The following FBXW11 variants were observed in gnomAD, a reference collection of about 807,000 sequenced individuals.
FBXW11 encodes the protein F-box and WD repeat domain containing 11.
FBXW11 carries 19 observed loss-of-function variants against 77.6 expected under a neutral mutation model. The observed-to-expected ratio is 0.24, with a 90% CI of 0.17 to 0.36. The LOEUF (loss-of-function observed/expected upper bound fraction) is 0.36. Among genes scored for constraint, FBXW11 ranks in the 10% least tolerant of loss-of-function variants. The probability of loss-of-function intolerance (pLI) is 1.00; values close to 1 mark genes in which losing one functional copy is unlikely to be tolerated. For synonymous variants in FBXW11, 235 were observed against 249.4 expected (o/e 0.94, Z 0.54); for missense variants, 334 against 704.2 (o/e 0.47, Z 5.95).
intron 3 of FBXW11, among the ~76,000 whole-genome samples, chr5:171,912,408 G>A (rs1285952613): frequency 6.6e-6 from 1 of 152,166 alleles, no homozygotes; most frequent in African/African-American, 2.4e-5. Context: ...AAAAATAAGA[G>A]TTCAAAACAG....
chr5:171,948,011 G>A (rs1266235593), intron 2 of FBXW11, among the ~76,000 whole-genome samples: 1 of 151,178 alleles, frequency 6.6e-6, no homozygotes, highest in Non-Finnish European at 1.5e-5. Flanking sequence ...CAAGGTGGGC[G>A]GATCACGGGG....
rs1757167322 is a variant in FBXW11 at position 171,862,781 on chromosome 5, C to T, written c.*1346G>A. On this transcript the variant is annotated 3_prime_UTR_variant, in exon 14 of 14. Coordinates refer to ENST00000517395, the MANE Select transcript of FBXW11 (RefSeq NM_001378974.1). ...TCACTCCACTTCAGAGCACCCACCC[C>T]TCAGCATGGGCCTCTGAACCAGCCT... The T allele has an allele frequency of 6.6e-6, 1 of 152,288 alleles. No individual in the cohort carries two copies. The highest frequency in any genetic ancestry group is 1.5e-5 in the Non-Finnish European group (1 of 68,114). The allele number at this position is 152,288 out of a possible 1,614,324, so 9.4% of individuals were successfully genotyped here.
At chr5:171,901,741 C>G (rs950973281) in intron 4 of FBXW11, among the ~76,000 whole-genome samples, 3 of 152,188 alleles carry the variant, frequency 2.0e-5, no homozygotes, top group Non-Finnish European at 4.4e-5. Flanking sequence ...TCCCCGAATG[C>G]TCTATTTGCA....
chr5:171,862,622 C>T lies in FBXW11; in HGVS notation c.*1505G>A, dbSNP rs536924358. ...TGGATGCCAACGTCCTTTCCATGCACTGTCAGGGCAACAGTGCCATTTACA... is the reference window on the plus strand; with the variant it reads ...TGGATGCCAACGTCCTTTCCATGCATTGTCAGGGCAACAGTGCCATTTACA... On this transcript the variant is annotated 3_prime_UTR_variant, in exon 14 of 14. Transcript: ENST00000517395. The T allele has an allele frequency of 6.5e-6, 1 of 152,810 alleles. No individual in the cohort carries two copies. The highest frequency in any genetic ancestry group is 1.9e-4 in the East Asian group (1 of 5,184). The allele number at this position is 152,810 out of a possible 1,614,324, so 9.5% of individuals were successfully genotyped here.
chr5:172,000,832 G>C (rs1310068177), intron 1 of FBXW11, among the ~76,000 whole-genome samples: 1 of 152,200 alleles, frequency 6.6e-6, no homozygotes, highest in African/African-American at 2.4e-5. Context: ...AAGCGACAGA[G>C]CTTGGATACA....
intron 1 of FBXW11, among the ~76,000 whole-genome samples, chr5:172,001,520 G>A (rs1182170171): frequency 6.6e-6 from 1 of 152,214 alleles, no homozygotes; most frequent in East Asian, 1.9e-4. Context: ...GTCACTGGAA[G>A]ATAATTAAGG....
intron 2 of FBXW11, among the ~76,000 whole-genome samples, chr5:171,947,472 G>A (rs905622070): frequency 2.6e-5 from 4 of 151,940 alleles, no homozygotes; most frequent in African/African-American, 7.3e-5. Flanking sequence ...GCCAAAGCGG[G>A]CAGACCACTT....
At position 171,869,835 on chromosome 5, in the gene FBXW11, T is replaced by G. The variant is rs78795140; in HGVS notation, c.1452-28A>C. 6.4e-4 allele frequency: 978 copies of G among 1,517,236 alleles called. 6 individuals are homozygous for G. In the East Asian group the frequency reaches 8.1e-3, roughly 13 times the overall value. The allele number at this position is 1,517,236 out of a possible 1,614,324, so 94.0% of individuals were successfully genotyped here. On this transcript the variant is annotated intron_variant, in intron 11 of 13. Coordinates refer to ENST00000517395, the MANE Select transcript of FBXW11 (RefSeq NM_001378974.1). This position sits in a 1 kb window ranked among gnomAD's most constrained non-coding sequence, Gnocchi z 4.1. ...AGAAAGGAAAATGAGATGTGATTAG[T>G]GGAAAAGTGAACAATTTATATGCTG...
chr5:171,988,869 C>T lies in FBXW11; in HGVS notation c.45+17589G>A, dbSNP rs1765586471. 2.0e-5 allele frequency among the ~76,000 whole-genome samples: 3 copies of T among 147,904 alleles called. No individual in the cohort carries two copies. In the Admixed American group the frequency reaches 2.0e-4, roughly 10 times the overall value. Reference sequence around the variant, plus strand: ...CAATAAATAAATAAATATATACATACACACATACATTCATACTACAATTTT... The same window carrying T: ...CAATAAATAAATAAATATATACATATACACATACATTCATACTACAATTTT... On this transcript the variant is annotated intron_variant, in intron 1 of 13. Coordinates refer to ENST00000517395, the MANE Select transcript of FBXW11 (RefSeq NM_001378974.1).
chr5:171,948,566 C>T (rs1763142283), intron 2 of FBXW11, among the ~76,000 whole-genome samples: 1 of 152,082 alleles, frequency 6.6e-6, no homozygotes, highest in South Asian at 2.1e-4. Context: ...AGGAAGATCC[C>T]ATTTCTATTT....
intron 2 of FBXW11, among the ~76,000 whole-genome samples, chr5:171,944,909 A>C (rs1762930735): frequency 6.6e-6 from 1 of 152,246 alleles, no homozygotes; most frequent in Non-Finnish European, 1.5e-5. Context: ...GCTTAGAAAT[A>C]GCCTTTCCTT....
chr5:171,987,100 T>C (rs930376163), intron 1 of FBXW11, among the ~76,000 whole-genome samples: 2 of 152,182 alleles, frequency 1.3e-5, no homozygotes, highest in Admixed American at 6.5e-5. Context: ...ATGTCTAAGG[T>C]GGAACAGTTC....
intron 1 of FBXW11, among the ~76,000 whole-genome samples, chr5:171,962,794 T>C (rs1763977133): frequency 6.6e-6 from 1 of 152,186 alleles, no homozygotes. Context: ...AAAAGCTAAC[T>C]TCGGTCTGTT....
chr5:171,997,496 G>A (rs62384577), intron 1 of FBXW11, among the ~76,000 whole-genome samples: 3 of 152,080 alleles, frequency 2.0e-5, no homozygotes, highest in South Asian at 2.1e-4. Context: ...ATTTATTTAC[G>A]TACCTAACAA....
intron 1 of FBXW11, among the ~76,000 whole-genome samples, chr5:171,972,307 G>A (rs1301699398): frequency 2.2e-5 from 3 of 137,386 alleles, no homozygotes; most frequent in South Asian, 2.3e-4. Flanking sequence ...ATGAGACCTC[G>A]TCTCTACAAA....
intron 1 of FBXW11, among the ~76,000 whole-genome samples, chr5:171,987,026 C>A (rs942987205): frequency 6.6e-6 from 1 of 152,218 alleles, no homozygotes; most frequent in Non-Finnish European, 1.5e-5. Flanking sequence ...AGGAACCCTA[C>A]TGTGAACTGC....
intron 1 of FBXW11, among the ~76,000 whole-genome samples, chr5:172,001,398 A>G (rs1446223079): frequency 6.6e-6 from 1 of 152,232 alleles, no homozygotes; most frequent in Admixed American, 6.5e-5. Context: ...GAGGATAGTT[A>G]AGACACAGGC....
At chr5:171,893,436 A>AAAAAAC (rs2113853135) in intron 6 of FBXW11, among the ~76,000 whole-genome samples, 1 of 148,030 alleles carries the variant, frequency 6.8e-6, no homozygotes, top group East Asian at 2.0e-4. Context: ...AAAAAAAAAA[A>AAAAAAC]AAAAAAAAAA....
At chr5:171,927,180 G>C (rs2114016006) in intron 2 of FBXW11, among the ~76,000 whole-genome samples, 1 of 152,236 alleles carries the variant, frequency 6.6e-6, no homozygotes, top group South Asian at 2.1e-4. Context: ...TAATAAATCA[G>C]ACTATATTAA....
Sources: gnomAD v4.1 joint callset for allele counts (sites outside exome capture counted in the v4.1 genomes callset) on GRCh38, gnomAD v4.1.1 for gene constraint, Gnocchi (gnomAD v3.1) non-coding constraint, MANE v1.5 for transcripts, NCBI Gene and HGNC (gene_info 2026-07-23, HGNC 2026-07-21) for gene names.